Variants in CADM2 observed in about 807,000 individuals in gnomAD.
The protein encoded by CADM2 is cell adhesion molecule 2, also known as immunoglobulin superfamily member 4D.
A neutral mutation model predicts 49.8 loss-of-function variants in CADM2; 12 were observed. That is an observed-to-expected ratio of 0.24 (90% CI 0.15 to 0.39). The LOEUF (loss-of-function observed/expected upper bound fraction) is 0.39. Among genes scored for constraint, CADM2 ranks in the 10% least tolerant of loss-of-function variants. The pLI is 1.00. For synonymous variants in CADM2, 214 were observed against 175.4 expected (o/e 1.22, Z -1.74); for missense variants, 378 against 492.3 (o/e 0.77, Z 2.20).
intron 1 of CADM2, among the ~76,000 whole-genome samples, chr3:85,417,853 A>C (rs2107488672): frequency 6.6e-6 from 1 of 152,222 alleles, no homozygotes; most frequent in African/African-American, 2.4e-5. Flanking sequence ...AGAATAACCT[A>C]GGGATCTTGG....
intron 1 of CADM2, among the ~76,000 whole-genome samples, chr3:85,255,256 A>C (rs540045458): frequency 3.3e-5 from 5 of 152,142 alleles, no homozygotes; most frequent in African/African-American, 1.2e-4. Context: ...TCTGGTGTCA[A>C]ATTGCCTGGG....
At chr3:85,716,935 C>T (rs1472816923) in intron 1 of CADM2, among the ~76,000 whole-genome samples, 1 of 152,106 alleles carries the variant, frequency 6.6e-6, no homozygotes, top group Non-Finnish European at 1.5e-5. Flanking sequence ...AGTGTGATGC[C>T]TCCAGCTTTG....
At chr3:86,046,456 G>A (rs1736698162) in intron 8 of CADM2, among the ~76,000 whole-genome samples, 1 of 152,098 alleles carries the variant, frequency 6.6e-6, no homozygotes, top group Non-Finnish European at 1.5e-5. Flanking sequence ...CTTCTGGACA[G>A]TCAGAGATTT....
intron 1 of CADM2, among the ~76,000 whole-genome samples, chr3:85,201,544 C>T (rs183625406): frequency 9.9e-5 from 15 of 152,142 alleles, no homozygotes; most frequent in Admixed American, 5.9e-4. Context: ...TGAAGTTTGC[C>T]GCATTGATTG....
Position 85,989,595 on chromosome 3 carries a change from A to C in CADM2, c.970+27948A>C, listed in dbSNP as rs143087518. ...GATGGATTTGGAGACCAAATGGAGA[A>C]GGAAGAACAGAGATACGTGTGCTCC... On this transcript the variant is annotated intron_variant, in intron 8 of 9. Coordinates refer to ENST00000383699, the MANE Select transcript of CADM2 (RefSeq NM_001167675.2). Among the ~76,000 whole-genome samples the C allele has an allele frequency of 2.9e-3, 442 of 152,288 alleles. 1 individual carries two copies. Among genetic ancestry groups the C allele is most frequent in the African/African-American group, 0.01 (417 of 41,574 alleles).
At chr3:85,467,363 A>C (rs911567859) in intron 1 of CADM2, among the ~76,000 whole-genome samples, 11 of 152,174 alleles carry the variant, frequency 7.2e-5, no homozygotes, top group Non-Finnish European at 1.5e-4. Flanking sequence ...ATAGATCAAA[A>C]ATGCTTGTTA....
intron 3 of CADM2, among the ~76,000 whole-genome samples, chr3:85,817,467 A>T (rs1034799545): frequency 2.8e-5 from 4 of 142,128 alleles, no homozygotes; most frequent in Non-Finnish European, 4.5e-5. Flanking sequence ...ATCTCTAAAT[A>T]GTGAATTTTG....
intron 1 of CADM2, among the ~76,000 whole-genome samples, chr3:84,995,900 A>G (rs750382032): frequency 9.2e-5 from 14 of 152,096 alleles, no homozygotes; most frequent in Non-Finnish European, 1.6e-4. Flanking sequence ...ATATTTTTGT[A>G]TTTGTCCTTG....
chr3:85,783,174 T>G (rs1284019644), intron 2 of CADM2, among the ~76,000 whole-genome samples: 1 of 152,182 alleles, frequency 6.6e-6, no homozygotes, highest in African/African-American at 2.4e-5. Context: ...TTTGTTTTTA[T>G]CTTGAAACAA....
chr3:85,676,672 A>G (rs1225435504), intron 1 of CADM2, among the ~76,000 whole-genome samples: 1 of 152,066 alleles, frequency 6.6e-6, no homozygotes, highest in Non-Finnish European at 1.5e-5. Context: ...CATTACACTT[A>G]TTATAGCCTA....
chr3:85,915,259 A>G (rs1012540325), intron 6 of CADM2, among the ~76,000 whole-genome samples: 10 of 152,186 alleles, frequency 6.6e-5, no homozygotes, highest in Admixed American at 5.2e-4. Context: ...AAAGTTTTAC[A>G]TTAAAAATGT....
intron 8 of CADM2, among the ~76,000 whole-genome samples, chr3:86,008,321 A>G (rs751114051): frequency 1.3e-5 from 2 of 152,138 alleles, no homozygotes; most frequent in Non-Finnish European, 2.9e-5. Context: ...AAACAAAAGA[A>G]AAATAGGACA....
intron 7 of CADM2, among the ~76,000 whole-genome samples, chr3:85,943,169 T>C (rs1219813144): frequency 2.5e-4 from 37 of 150,284 alleles, no homozygotes; most frequent in African/African-American, 9.2e-4. Flanking sequence ...TTCACCCACT[T>C]TTTGATGGGG....
At chr3:86,036,220 C>T (rs981713890) in intron 8 of CADM2, among the ~76,000 whole-genome samples, 8 of 152,104 alleles carry the variant, frequency 5.3e-5, no homozygotes, top group Admixed American at 5.2e-4. Context: ...ATTTGTCACA[C>T]ATTCATTTTA....
chr3:85,608,915 G>A (rs2063606157), intron 1 of CADM2, among the ~76,000 whole-genome samples: 1 of 151,998 alleles, frequency 6.6e-6, no homozygotes, highest in African/African-American at 2.4e-5. Flanking sequence ...CAGCATACCT[G>A]AGTTTGGAAA....
chr3:86,013,404 G>A (rs750462377), intron 8 of CADM2: 115 of 1,545,500 alleles, frequency 7.4e-5, no homozygotes, highest in East Asian at 2.5e-4. Context: ...ACAGGAGGCC[G>A]AAGAAATCCC....
chr3:85,521,716 G>T (rs1341331101), intron 1 of CADM2, among the ~76,000 whole-genome samples: 1 of 152,078 alleles, frequency 6.6e-6, no homozygotes, highest in African/African-American at 2.4e-5. Flanking sequence ...TACATATTCC[G>T]TGAGTTTATT....
chr3:85,052,548 C>T (rs764536617), intron 1 of CADM2, among the ~76,000 whole-genome samples: 4 of 152,042 alleles, frequency 2.6e-5, no homozygotes, highest in Non-Finnish European at 5.9e-5. Flanking sequence ...CCAATTGCCT[C>T]ACCTAACAGA....
intron 1 of CADM2, among the ~76,000 whole-genome samples, chr3:85,311,819 C>T (rs1032167304): frequency 4.6e-5 from 7 of 152,142 alleles, no homozygotes; most frequent in African/African-American, 1.7e-4. Context: ...ATAGATTTGA[C>T]CAAGTTTCAG....
Sources: gnomAD v4.1 joint callset for allele counts (sites outside exome capture counted in the v4.1 genomes callset) on GRCh38, gnomAD v4.1.1 for gene constraint, MANE v1.5 for transcripts, NCBI Gene and HGNC (gene_info 2026-07-23, HGNC 2026-07-21) for gene names.